LRRC4C: variants seen among roughly 807,000 people sequenced by gnomAD.
LRRC4C encodes leucine rich repeat containing 4C, also known as leucine-rich repeat-containing protein 4C.
Under a neutral mutation model 33.6 loss-of-function variants are expected in LRRC4C, and 5 were observed. The observed-to-expected ratio is 0.15, with a 90% confidence interval of 0.08 to 0.31. The LOEUF (loss-of-function observed/expected upper bound fraction) is 0.31. LRRC4C is among the 10% of genes least tolerant of loss of function. LRRC4C has a pLI of 1.00. For synonymous variants in LRRC4C, 329 were observed against 302.0 expected, an observed-to-expected ratio of 1.09 and a Z score of -0.93; for missense variants, 560 against 796.7, an observed-to-expected ratio of 0.70 and a Z score of 3.58.
intron 3 of LRRC4C, among the ~76,000 whole-genome samples, chr11:40,335,242 ACATATTTTTATTATAT>A (rs1946544228): frequency 6.6e-6 from 1 of 152,196 alleles, no homozygotes; most frequent in Non-Finnish European, 1.5e-5. Context: ...TTTAATTTAT[ACATATTTTTATTATAT>A]CAAGGAAGTA....
At chr11:40,295,909 C>T (rs1944488241) in intron 4 of LRRC4C, among the ~76,000 whole-genome samples, 1 of 152,120 alleles carries the variant, frequency 6.6e-6, no homozygotes. Flanking sequence ...TATAGTTTAT[C>T]CACTAATAAA....
At chr11:40,847,108 C>T (rs1335129532) in intron 2 of LRRC4C, among the ~76,000 whole-genome samples, 1 of 128,760 alleles carries the variant, frequency 7.8e-6, no homozygotes, top group Non-Finnish European at 1.6e-5. Flanking sequence ...GATAATTTGA[C>T]TTCCTCTCTT....
chr11:40,952,185 T>G (rs1006801524), intron 1 of LRRC4C, among the ~76,000 whole-genome samples: 2 of 151,910 alleles, frequency 1.3e-5, no homozygotes, highest in Non-Finnish European at 2.9e-5. Context: ...GACTAAGTAA[T>G]TTGCATATAC....
At chr11:40,140,339 G>C (rs1590493648) in intron 6 of LRRC4C, among the ~76,000 whole-genome samples, 1 of 152,124 alleles carries the variant, frequency 6.6e-6, no homozygotes, top group Non-Finnish European at 1.5e-5. Context: ...ATGTGTATGC[G>C]ATGGTTTGCT....
At chr11:40,995,817 C>G (rs1004224244) in intron 1 of LRRC4C, among the ~76,000 whole-genome samples, 9 of 152,086 alleles carry the variant, frequency 5.9e-5, no homozygotes, top group Admixed American at 5.2e-4. Context: ...TCTGCAAGGC[C>G]CTTTCCATCA....
At chr11:41,038,097 C>G (rs1857210177) in intron 1 of LRRC4C, among the ~76,000 whole-genome samples, 2 of 152,190 alleles carry the variant, frequency 1.3e-5, no homozygotes, top group Admixed American at 1.3e-4. Context: ...TCCCAGCCAG[C>G]TGCCATTCGT....
chr11:40,211,808 T>A (rs1407577526), intron 5 of LRRC4C, among the ~76,000 whole-genome samples: 2 of 152,180 alleles, frequency 1.3e-5, no homozygotes, highest in African/African-American at 4.8e-5. Flanking sequence ...TCTCCATTTT[T>A]CCTTTCTGCT....
intron 1 of LRRC4C, among the ~76,000 whole-genome samples, chr11:41,434,319 A>G (rs779880450): frequency 7.9e-5 from 12 of 152,202 alleles, no homozygotes; most frequent in Admixed American, 1.3e-4. Context: ...TCTTTTTTTA[A>G]TAGACTTTTC....
intron 1 of LRRC4C, among the ~76,000 whole-genome samples, chr11:41,430,761 T>C (rs1240377368): frequency 1.3e-5 from 2 of 152,228 alleles, no homozygotes; most frequent in East Asian, 1.9e-4. Flanking sequence ...TATGTTATTG[T>C]AAAACACTTT....
intron 3 of LRRC4C, among the ~76,000 whole-genome samples, chr11:40,321,366 C>T (rs1369298939): frequency 1.3e-5 from 2 of 152,144 alleles, no homozygotes; most frequent in Non-Finnish European, 1.5e-5. Flanking sequence ...TTGTTTGCTA[C>T]TATTATTAGA....
chr11:40,507,810 G>A (rs146250309), intron 3 of LRRC4C, among the ~76,000 whole-genome samples: 2,228 of 149,394 alleles, frequency 0.015, 59 homozygotes, highest in African/African-American at 0.052. Context: ...CACCATCTCA[G>A]CTCACTGCAG....
At chr11:40,224,985 A>G (rs1012504768) in intron 5 of LRRC4C, among the ~76,000 whole-genome samples, 2 of 152,240 alleles carry the variant, frequency 1.3e-5, no homozygotes, top group African/African-American at 4.8e-5. Flanking sequence ...ACAATAACCC[A>G]TAATAAGCTG....
chr11:41,359,467 G>A (rs1952274444), intron 1 of LRRC4C, among the ~76,000 whole-genome samples: 1 of 152,132 alleles, frequency 6.6e-6, no homozygotes, highest in Non-Finnish European at 1.5e-5. Context: ...GGACATCTCT[G>A]TACCTTCCTC....
At chr11:41,127,728 C>T (rs1370329246) in intron 1 of LRRC4C, among the ~76,000 whole-genome samples, 3 of 34,378 alleles carry the variant, frequency 8.7e-5, no homozygotes, top group African/African-American at 1.6e-4. Flanking sequence ...GTCTTCAGTG[C>T]TCTATTCAAC....
At chr11:40,998,940 T>C (rs1056450666) in intron 1 of LRRC4C, among the ~76,000 whole-genome samples, 4 of 152,168 alleles carry the variant, frequency 2.6e-5, no homozygotes, top group Non-Finnish European at 1.5e-5. Flanking sequence ...TCTATGTATG[T>C]ATTAAATTCT....
chr11:40,707,543 C>A (rs1946230573), intron 2 of LRRC4C, among the ~76,000 whole-genome samples: 1 of 152,212 alleles, frequency 6.6e-6, no homozygotes, highest in Admixed American at 6.5e-5. Context: ...ACCAGCCTTG[C>A]ATCTCAGGGA....
At chr11:40,493,236 G>A (rs1954254703) in intron 3 of LRRC4C, among the ~76,000 whole-genome samples, 2 of 151,912 alleles carry the variant, frequency 1.3e-5, no homozygotes, top group Non-Finnish European at 2.9e-5. Context: ...TAAGGAAATG[G>A]TAACTTTATA....
rs564377067 is a variant in LRRC4C at position 41,084,553 on chromosome 11, A to T, written c.-495-150830T>A. ...TCTCCTAATTTGCTTCAGTTTAAAA[A>T]TTTTTTAAAAATTGGCTGGGCACAG... On this transcript the variant is annotated intron_variant, in intron 1 of 6. Transcript: ENST00000528697. Among the ~76,000 whole-genome samples the T allele has an allele frequency of 6.6e-5, 10 of 152,264 alleles. No individual in the cohort carries two copies. The East Asian group carries it at 7.7e-4, about 12-fold the overall frequency.
intron 1 of LRRC4C, among the ~76,000 whole-genome samples, chr11:41,425,458 G>A (rs1165622354): frequency 6.6e-6 from 1 of 152,048 alleles, no homozygotes. Context: ...GCTGAGTAAA[G>A]AAGTGACTTG....
Sources: gnomAD v4.1 joint callset for allele counts (sites outside exome capture counted in the v4.1 genomes callset) on GRCh38, gnomAD v4.1.1 for gene constraint, MANE v1.5 for transcripts, NCBI Gene and HGNC (gene_info 2026-07-23, HGNC 2026-07-21) for gene names.